The following IAH1 variants were observed in gnomAD, a reference collection of about 807,000 sequenced individuals.
IAH1 encodes isoamyl acetate-hydrolyzing esterase 1 homolog.
IAH1 carries 24 observed loss-of-function variants against 26.7 expected under a neutral mutation model. The observed-to-expected ratio is 0.90, with a 90% CI of 0.65 to 1.26. IAH1 has a LOEUF of 1.26. IAH1 is among the 50% of genes most tolerant of loss of function. IAH1 has a pLI of 0.00. For synonymous variants in IAH1, 140 were observed against 118.5 expected (o/e 1.18, Z -1.18); for missense variants, 300 against 299.9 (o/e 1.00, Z 0.00).
Position 9,474,916 on chromosome 2 carries a change from C to A in IAH1, c.81+269C>A. ...ACCCGGCCGCGCTGCCCGCCCCGCG[C>A]CGCCTCCCACCCGGGTCGAGATGCG... On this transcript the variant is annotated intron_variant, in intron 1 of 5. Transcript: ENST00000497473. This position sits in a 1 kb window ranked among gnomAD's most constrained non-coding sequence, Gnocchi z 4.3. 2.8e-6 allele frequency: 2 copies of A among 726,970 alleles called. No homozygotes were observed. Among genetic ancestry groups the A allele is most frequent in the Non-Finnish European group, 3.6e-6 (2 of 556,670 alleles). 45.0% of individuals were successfully genotyped at this position (726,970 alleles called of 1,614,324 possible).
At chr2:9,484,643 C>T (rs915310731) in intron 5 of IAH1, 93 bp downstream of exon 5, 1 of 809,958 alleles carries the variant, frequency 1.2e-6, no homozygotes, top group African/African-American at 1.7e-5. Flanking sequence ...AAAGGCCCTG[C>T]TTAGCTAAGA....
At chr2:9,479,587 C>T (rs1303612344) in intron 3 of IAH1, among the ~76,000 whole-genome samples, 1 of 152,054 alleles carries the variant, frequency 6.6e-6, no homozygotes, top group Non-Finnish European at 1.5e-5. Flanking sequence ...TTTTTTGACT[C>T]AGAAAAGCAA....
downstream of IAH1, among the ~76,000 whole-genome samples, chr2:9,499,441 G>A (rs898732404): frequency 4.6e-5 from 7 of 151,720 alleles, no homozygotes; most frequent in African/African-American, 1.7e-4. Flanking sequence ...TTGCTCTGTT[G>A]CCCAGGCTGG....
intron 2 of IAH1, 57 bp downstream of exon 2, chr2:9,476,096 G>C: frequency 7.0e-7 from 1 of 1,422,368 alleles, no homozygotes; most frequent in Non-Finnish European, 9.9e-7. Context: ...TTAGGGATCC[G>C]TCTTATGGAT....
At chr2:9,479,522 T>C (rs897306993) in intron 3 of IAH1, among the ~76,000 whole-genome samples, 15 of 152,122 alleles carry the variant, frequency 9.9e-5, no homozygotes, top group Admixed American at 9.8e-4. Context: ...CAAATACATA[T>C]TTGAAAATGT....
chr2:9,505,483 C>T, the IAH1 span: 1 of 1,076,068 alleles, frequency 9.3e-7, no homozygotes, highest in African/African-American at 1.6e-5. Context: ...CAGAGCCACC[C>T]TGGAGTTATG....
At chr2:9,503,789 G>C in the IAH1 span, among the ~76,000 whole-genome samples, 2 of 147,702 alleles carry the variant, frequency 1.4e-5, no homozygotes, top group Non-Finnish European at 3.0e-5. Flanking sequence ...AGTGAGCCAA[G>C]ATCACGCCAC....
the IAH1 span, among the ~76,000 whole-genome samples, chr2:9,507,733 T>C: frequency 6.6e-6 from 1 of 152,166 alleles, no homozygotes; most frequent in Admixed American, 6.5e-5. Context: ...CTTTTTCCTT[T>C]TTTTGAGATA....
chr2:9,499,693 TGCCGG>T (rs1438093234), downstream of IAH1, among the ~76,000 whole-genome samples: 1 of 152,128 alleles, frequency 6.6e-6, no homozygotes. Context: ...TGAGCCACTG[TGCCGG>T]GCCATCAGGT....
Position 9,488,434 on chromosome 2 carries a change from T to TA in IAH1, c.*107dup. The TA allele has an allele frequency of 2.5e-6, 2 of 811,060 alleles. No homozygotes were observed. The allele number at this position is 811,060 out of a possible 1,614,324, so 50.2% of individuals were successfully genotyped here. ...AGGCTTAAACCTTTGCCACTGATATTAATAATAAAAGTATTAGATGATTTT... is the reference window on the plus strand; with the variant it reads ...AGGCTTAAACCTTTGCCACTGATATTAAATAATAAAAGTATTAGATGATTTT... On this transcript the variant is annotated 3_prime_UTR_variant, in exon 6 of 6. Coordinates refer to ENST00000497473, the MANE Select transcript of IAH1 (RefSeq NM_001039613.3).
chr2:9,505,894 G>A, the IAH1 span, among the ~76,000 whole-genome samples: 1 of 152,082 alleles, frequency 6.6e-6, no homozygotes, highest in Non-Finnish European at 1.5e-5. Flanking sequence ...TTAGTAATAG[G>A]CATAATAGTA....
At chr2:9,490,622 T>C, downstream of IAH1, 8 of 1,237,116 alleles carry the variant, frequency 6.5e-6, no homozygotes, top group Non-Finnish European at 8.8e-6. Context: ...CTGTTGGCAC[T>C]GTGATGCTAA....
downstream of IAH1, chr2:9,490,567 G>C (rs145510201): frequency 4.8e-5 from 74 of 1,530,470 alleles, no homozygotes; most frequent in East Asian, 8.9e-4. Flanking sequence ...AGATGAATCG[G>C]AGGTCCTCAC....
downstream of IAH1, chr2:9,491,082 T>A (rs1429764331): frequency 1.2e-6 from 2 of 1,608,386 alleles, no homozygotes; most frequent in Non-Finnish European, 1.7e-6. Flanking sequence ...ATTATGTTTC[T>A]TTCATATGGT....
At chr2:9,505,091 G>T in the IAH1 span, 1 of 1,485,150 alleles carries the variant, frequency 6.7e-7, no homozygotes, top group Non-Finnish European at 9.3e-7. Context: ...TAAAGCCCCT[G>T]CAAGTTCAGT....
chr2:9,482,217 C>T (rs1402049738), intron 4 of IAH1, among the ~76,000 whole-genome samples: 3 of 151,760 alleles, frequency 2.0e-5, no homozygotes, highest in Non-Finnish European at 2.9e-5. Context: ...TTAGTAGAGA[C>T]GGGTTTCACC....
the IAH1 span, among the ~76,000 whole-genome samples, chr2:9,511,309 G>A: frequency 1.3e-5 from 2 of 152,132 alleles, no homozygotes; most frequent in African/African-American, 2.4e-5. Flanking sequence ...AATTAGCTGG[G>A]TGTGGTGGCG....
upstream of IAH1, chr2:9,474,544 G>GCCCCCCCCCCCC: frequency 2.1e-6 from 2 of 971,214 alleles, no homozygotes; most frequent in Non-Finnish European, 3.0e-6. The surrounding 1 kb of genome is among the most constrained non-coding windows in gnomAD (Gnocchi z 4.3). Context: ...TGGCGGCCCC[G>GCCCCCCCCCCCC]CCCCGCCCCG....
intron 4 of IAH1, among the ~76,000 whole-genome samples, chr2:9,482,028 T>A (rs1558479705): frequency 8.8e-6 from 1 of 113,142 alleles, no homozygotes; most frequent in African/African-American, 3.9e-5. Context: ...ATTATGGAAG[T>A]TCTCTTTTTT....
Sources: gnomAD v4.1 joint callset for allele counts (sites outside exome capture counted in the v4.1 genomes callset) on GRCh38, gnomAD v4.1.1 for gene constraint, Gnocchi (gnomAD v3.1) non-coding constraint, MANE v1.5 for transcripts, NCBI Gene and HGNC (gene_info 2026-07-23, HGNC 2026-07-21) for gene names.